The following PTPRT variants were observed in gnomAD, a reference collection of about 807,000 sequenced individuals.
PTPRT encodes protein tyrosine phosphatase receptor type T.
Under a neutral mutation model 176.8 loss-of-function variants are expected in PTPRT, and 56 were observed. The ratio of observed to expected loss-of-function variants is 0.32; its 90% CI spans 0.26 to 0.40. PTPRT has a LOEUF of 0.40. Among genes scored for constraint, PTPRT ranks in the 10% least tolerant of loss-of-function variants. The pLI is 1.00. For missense variants in PTPRT, 1,540 were observed against 1,908.2 expected (o/e 0.81, Z 3.60); for synonymous variants, 783 against 739.0 (o/e 1.06, Z -0.96).
chr20:43,025,199 T>C (rs1985862014), intron 1 of PTPRT, among the ~76,000 whole-genome samples: 1 of 152,186 alleles, frequency 6.6e-6, no homozygotes, highest in South Asian at 2.1e-4. Flanking sequence ...ACCTTACAAA[T>C]GTTTAATGAT....
Position 42,399,855 on chromosome 20 carries a change from G to A in PTPRT, c.1561-47570C>T, listed in dbSNP as rs113902588. Among the ~76,000 whole-genome samples the A allele has an allele frequency of 2.7e-3, 406 of 152,264 alleles. 4 individuals carry two copies. Among genetic ancestry groups the A allele is most frequent in the African/African-American group, 8.8e-3 (364 of 41,558 alleles). ...CCACCATTTACATCACTTTTCACCC[G>A]GAAGAATGTATTGTGTCTTTCAAAT... On this transcript the variant is annotated intron_variant, in intron 9 of 30. Transcript: ENST00000373187.
At chr20:42,368,840 T>G (rs1222065086) in intron 9 of PTPRT, among the ~76,000 whole-genome samples, 1 of 152,212 alleles carries the variant, frequency 6.6e-6, no homozygotes, top group Non-Finnish European at 1.5e-5. Flanking sequence ...CTGCTCATAC[T>G]GGCTTCTTGC....
At chr20:43,166,861 T>G (rs552158970) in intron 1 of PTPRT, among the ~76,000 whole-genome samples, 1 of 152,324 alleles carries the variant, frequency 6.6e-6, no homozygotes, top group South Asian at 2.1e-4. Flanking sequence ...GTTTCTCCCT[T>G]CCCATCAATT....
chr20:42,484,307 G>T (rs913058357), intron 7 of PTPRT, among the ~76,000 whole-genome samples: 4 of 152,136 alleles, frequency 2.6e-5, no homozygotes, highest in Non-Finnish European at 5.9e-5. Flanking sequence ...TAACAAATAA[G>T]AAGTGGTTTG....
At chr20:42,928,795 A>G (rs1979650024) in intron 1 of PTPRT, among the ~76,000 whole-genome samples, 2 of 152,034 alleles carry the variant, frequency 1.3e-5, no homozygotes, top group Non-Finnish European at 2.9e-5. Flanking sequence ...TCCTGCAACT[A>G]TTTCAGGGAA....
At chr20:42,491,896 T>A (rs897778500) in intron 7 of PTPRT, among the ~76,000 whole-genome samples, 1 of 152,198 alleles carries the variant, frequency 6.6e-6, no homozygotes, top group Non-Finnish European at 1.5e-5. Context: ...ATCTATAATT[T>A]TTTTATCATT....
intron 2 of PTPRT, among the ~76,000 whole-genome samples, chr20:42,844,747 C>T (rs1472053444): frequency 6.6e-6 from 1 of 152,166 alleles, no homozygotes; most frequent in African/African-American, 2.4e-5. Flanking sequence ...CTAGAATCAG[C>T]TTCACACTGC....
At chr20:42,492,703 C>G (rs2071582524) in intron 7 of PTPRT, among the ~76,000 whole-genome samples, 1 of 151,984 alleles carries the variant, frequency 6.6e-6, no homozygotes, top group Admixed American at 6.6e-5. Context: ...TTAAATCTGT[C>G]CTTTGGTTAT....
chr20:42,874,536 T>C (rs926491616), intron 2 of PTPRT, among the ~76,000 whole-genome samples: 3 of 152,214 alleles, frequency 2.0e-5, no homozygotes, highest in African/African-American at 7.2e-5. Context: ...TAATATACAA[T>C]TTAATTACAC....
At chr20:42,726,373 C>G (rs956666070) in intron 6 of PTPRT, among the ~76,000 whole-genome samples, 4 of 152,096 alleles carry the variant, frequency 2.6e-5, no homozygotes, top group Admixed American at 1.3e-4. Context: ...GCTACCACAC[C>G]CAGCCTGGAT....
intron 13 of PTPRT, among the ~76,000 whole-genome samples, chr20:42,267,010 TATA>T (rs1021056178): frequency 3.9e-5 from 6 of 152,176 alleles, no homozygotes; most frequent in South Asian, 2.1e-4. Context: ...TTTTGCTGCA[TATA>T]ATAATAATAA....
intron 2 of PTPRT, among the ~76,000 whole-genome samples, chr20:42,861,852 T>C (rs2078667019): frequency 6.6e-6 from 1 of 151,664 alleles, no homozygotes; most frequent in Admixed American, 6.6e-5. Flanking sequence ...GAGCCTGGTG[T>C]GGTTAAAAAA....
At chr20:42,888,706 G>A (rs199829391) in intron 1 of PTPRT, among the ~76,000 whole-genome samples, 1 of 152,170 alleles carries the variant, frequency 6.6e-6, no homozygotes, top group East Asian at 1.9e-4. Flanking sequence ...TTCCAAGGTG[G>A]TTGGGCCTCT....
At chr20:43,013,808 G>C (rs1336367299) in intron 1 of PTPRT, among the ~76,000 whole-genome samples, 1 of 152,204 alleles carries the variant, frequency 6.6e-6, no homozygotes, top group Non-Finnish European at 1.5e-5. Context: ...TAGGGAGCTA[G>C]AAGAAAGGGC....
chr20:42,089,788 A>G (rs896162138), intron 27 of PTPRT, among the ~76,000 whole-genome samples: 7 of 152,194 alleles, frequency 4.6e-5, no homozygotes, highest in Non-Finnish European at 1.5e-5. Context: ...AGCCCGGGAC[A>G]CTGCATATAT....
At chr20:42,375,348 T>C (rs2058638108) in intron 9 of PTPRT, among the ~76,000 whole-genome samples, 1 of 152,146 alleles carries the variant, frequency 6.6e-6, no homozygotes, top group Non-Finnish European at 1.5e-5. Flanking sequence ...CCTACTGAAT[T>C]CATGTTCAAA....
Position 42,712,748 on chromosome 20 carries a change from A to T in PTPRT, c.860-34589T>A, listed in dbSNP as rs73907246. Reference sequence around the variant, plus strand: ...GGAGAATAATTTGGCCATATCTATCAAAGTTAAAAATGTTTAGCAATCTCA... The same window carrying T: ...GGAGAATAATTTGGCCATATCTATCTAAGTTAAAAATGTTTAGCAATCTCA... On this transcript the variant is annotated intron_variant, in intron 6 of 30. Coordinates refer to ENST00000373187, the MANE Select transcript of PTPRT (RefSeq NM_007050.6). 2.0e-3 allele frequency among the ~76,000 whole-genome samples: 303 copies of T among 152,374 alleles called. 1 individual carries two copies. Among genetic ancestry groups the T allele is most frequent in the African/African-American group, 6.8e-3 (283 of 41,594 alleles).
chr20:42,055,085 A>AT, the PTPRT span, among the ~76,000 whole-genome samples: 13 of 152,184 alleles, frequency 8.5e-5, no homozygotes, highest in Non-Finnish European at 7.3e-5. Flanking sequence ...TTAAAGTATA[A>AT]TAAAAAAAAA....
chr20:42,578,933 G>A (rs1426600294), intron 7 of PTPRT, among the ~76,000 whole-genome samples: 1 of 147,124 alleles, frequency 6.8e-6, no homozygotes, highest in Non-Finnish European at 1.5e-5. Flanking sequence ...TATACTTTAA[G>A]TTTTAGGGTA....
Sources: gnomAD v4.1 joint callset for allele counts (sites outside exome capture counted in the v4.1 genomes callset) on GRCh38, gnomAD v4.1.1 for gene constraint, MANE v1.5 for transcripts, NCBI Gene and HGNC (gene_info 2026-07-23, HGNC 2026-07-21) for gene names.